CUL4B: variants seen among roughly 807,000 people sequenced by gnomAD.
CUL4B encodes cullin-4B.
In CUL4B, 1 loss-of-function variant was observed where a neutral mutation model predicts 69.2. The ratio of observed to expected loss-of-function variants is 0.01; its 90% CI spans 0.01 to 0.07. The LOEUF (loss-of-function observed/expected upper bound fraction) is 0.07, where lower values mean the gene tolerates loss of function less well. CUL4B is among the 10% of genes least tolerant of loss of function. CUL4B has a pLI of 1.00. For missense variants in CUL4B, 328 were observed against 638.8 expected (o/e 0.51, Z 5.24); for synonymous variants, 237 against 223.2 (o/e 1.06, Z -0.55).
chrX:120,538,283 G>T, intron 13 of CUL4B, 74 bp from the exon 14 acceptor site: 1 of 670,130 alleles, frequency 1.5e-6, no homozygotes, highest in Non-Finnish European at 2.3e-6. Context: ...TGGGAAACAC[G>T]AAATACAAAA....
chrX:120,572,545 C>T (rs1346513972), intron 2 of CUL4B, among the ~76,000 whole-genome samples: 1 of 109,881 alleles, frequency 9.1e-6, no homozygotes, highest in Non-Finnish European at 1.9e-5. Context: ...GTGAAATCTC[C>T]ACTCAGTCCC....
At chrX:120,567,876 A>G (rs768905107), downstream of CUL4B, among the ~76,000 whole-genome samples, 2 of 110,188 alleles carry the variant, frequency 1.8e-5, no homozygotes, top group South Asian at 3.9e-4. Context: ...TCTGAAGAAA[A>G]AAAAAAAAAA....
chrX:120,568,756 A>G (rs1415587976), downstream of CUL4B, among the ~76,000 whole-genome samples: 1 of 112,217 alleles, frequency 8.9e-6, no homozygotes, highest in Non-Finnish European at 1.9e-5. Flanking sequence ...TCCCCACTGT[A>G]CAGATAAGAA....
At chrX:120,550,703 G>A (rs1226620761) in intron 2 of CUL4B, among the ~76,000 whole-genome samples, 2 of 111,648 alleles carry the variant, frequency 1.8e-5, no homozygotes, top group Non-Finnish European at 3.8e-5. Flanking sequence ...GGTCAAGTTC[G>A]GAGGGAACAT....
chrX:120,532,309 C>G, intron 18 of CUL4B, 113 bp downstream of exon 18: 2 of 611,261 alleles, frequency 3.3e-6, no homozygotes, highest in Non-Finnish European at 5.0e-6. Flanking sequence ...GACATAGACA[C>G]AAAAAATATT....
Position 120,537,006 on chromosome X carries a change from T to C in CUL4B, c.1967A>G (p.Asn656Ser), listed in dbSNP as rs1158118996. ...CAGGATATTCACAGTTAACTCAATA[T>C]TTCCCGGAACATTCTGATTCTGCAT... ...QYMQNQNVPG[N>S]IELTVNILTM... The change falls in exon 15 of 20, where the codon AAT becomes AGT. Residue 656 changes from asparagine to serine, a missense_variant. Physicochemically the swap from Asn to Ser is conservative, Grantham distance 46. Coordinates refer to ENST00000371322, the MANE Select transcript of CUL4B (RefSeq NM_001079872.2). The C allele has an allele frequency of 1.7e-6, 2 of 1,201,902 alleles. No homozygotes were observed. Among genetic ancestry groups the C allele is most frequent in the East Asian group, 5.9e-5 (2 of 33,799 alleles).
chrX:120,553,872 C>T (rs1206396072), intron 2 of CUL4B, among the ~76,000 whole-genome samples: 1 of 111,770 alleles, frequency 8.9e-6, no homozygotes, highest in Non-Finnish European at 1.9e-5. Flanking sequence ...CACACCAAAA[C>T]CAAAATTCCA....
chrX:120,552,715 G>T (rs1406665088), intron 2 of CUL4B, among the ~76,000 whole-genome samples: 1 of 111,516 alleles, frequency 9.0e-6, no homozygotes, highest in Non-Finnish European at 1.9e-5. Context: ...TGTAGCAAAT[G>T]ACATATGCAA....
rs188531002 is a variant in CUL4B, at chrX:120,541,654, C to T, written c.1391G>A (p.Arg464Lys). 1 of 1,207,567 alleles carries T rather than the reference C, an allele frequency of 8.3e-7. No homozygotes were observed. Among genetic ancestry groups the T allele is most frequent in the East Asian group, 3.0e-5 (1 of 33,774 alleles). The change falls in exon 10 of 20, where the codon AGA becomes AAA. Residue 464 changes from arginine to lysine, a missense_variant. Transcript: ENST00000371322. ...DLSLLYQLFS[R>K]VRGGVQVLLQ... ...AAGAACCTGAACTCCACCTCGAACT[C>T]TACTGAAGAGCTGATACAGAAGAGA... is the stretch of plus-strand genomic sequence containing the variant.
chrX:120,569,595 T>C (rs1375044305), downstream of CUL4B, among the ~76,000 whole-genome samples: 19 of 111,084 alleles, frequency 1.7e-4, no homozygotes, highest in South Asian at 3.8e-4. Flanking sequence ...CTCCTGACCT[T>C]GTGATCCAAC....
chrX:120,538,433 G>A (rs1350405741), intron 13 of CUL4B: 2 of 366,311 alleles, frequency 5.5e-6, no homozygotes, highest in Non-Finnish European at 9.3e-6. Context: ...AAATAAATGG[G>A]AAATTTTTAT....
In CUL4B at chrX:120,530,299, CCTGA is replaced by C. The variant is rs757437276; in HGVS notation, c.2440-49_2440-46del. ...CCTAGGAATTATACCAGAAGCAAAA[CCTGA>C]CTATTTACATAAATTGTGCATTTTA... On this transcript the variant is annotated intron_variant, in intron 18 of 19. Transcript: ENST00000371322. 3 of 1,141,335 alleles carry C rather than the reference CCTGA, an allele frequency of 2.6e-6. No individual in the cohort carries two copies. In the African/African-American group the frequency reaches 5.4e-5, roughly 20 times the overall value. The allele number at this position is 1,141,335 out of a possible 1,213,427, so 94.1% of individuals were successfully genotyped here. A position where few individuals can be genotyped will look rare whatever the true frequency, so the allele number is the denominator to read the frequency against.
chrX:120,539,137 C>G (rs1363554466), intron 12 of CUL4B, 131 bp downstream of exon 12: 1 of 456,686 alleles, frequency 2.2e-6, no homozygotes, highest in African/African-American at 2.4e-5. Context: ...ACGTATCCCC[C>G]CAATGAATTA....
rs764912137 is a variant in CUL4B at position 120,525,373 on chromosome X, A to T, written c.*1388T>A. On this transcript the variant is annotated 3_prime_UTR_variant, in exon 20 of 20. Coordinates refer to ENST00000371322, the MANE Select transcript of CUL4B (RefSeq NM_001079872.2). ...TCTGATTTTTAACAAACATAAACAA[A>T]ATTTTCTGCTTCTCCTCCCTTCAAA... 9.0e-6 allele frequency: 1 copy of T among 111,576 alleles called. No homozygotes were observed. The highest frequency in any genetic ancestry group is 3.2e-5 in the African/African-American group (1 of 30,838). 9.2% of individuals were successfully genotyped at this position (111,576 alleles called of 1,213,427 possible). A position where few individuals can be genotyped will look rare whatever the true frequency, so the allele number is the denominator to read the frequency against.
intron 11 of CUL4B, 82 bp from the exon 12 acceptor site, chrX:120,539,454 T>C: frequency 2.0e-6 from 1 of 507,080 alleles, no homozygotes; most frequent in Middle Eastern, 3.5e-4. Context: ...AAGAGGAGTA[T>C]GATACACTGA....
rs1329661716 is a variant in CUL4B at position 120,530,007 on chromosome X, C to T, written c.2592+95G>A. 7.6e-6 allele frequency: 7 copies of T among 921,049 alleles called. No homozygotes were observed. In the African/African-American group the frequency reaches 1.2e-4, roughly 16 times the overall value. The allele number at this position is 921,049 out of a possible 1,213,427, so 75.9% of individuals were successfully genotyped here. A position where few individuals can be genotyped will look rare whatever the true frequency, so the allele number is the denominator to read the frequency against. On this transcript the variant is annotated intron_variant, in intron 19 of 19. Transcript: ENST00000371322. The stretch of plus-strand genomic sequence containing the variant: ...TAAAACTTTTCTCTCTCTAAATGGT[C>T]ATGACGCTTTATGTTTGCAAGATTT...
At chrX:120,551,977 C>T (rs1924716150) in intron 2 of CUL4B, among the ~76,000 whole-genome samples, 1 of 111,378 alleles carries the variant, frequency 9.0e-6, no homozygotes, top group South Asian at 3.7e-4. Context: ...TTGAGATAAG[C>T]TCTATTTTAC....
chrX:120,534,717 C>T (rs777750094), intron 16 of CUL4B, 131 bp from the exon 17 acceptor site: 19 of 503,778 alleles, frequency 3.8e-5, no homozygotes, highest in Non-Finnish European at 6.6e-5. Flanking sequence ...AGCAAAGCCA[C>T]TTGACGTGGT....
downstream of CUL4B, among the ~76,000 whole-genome samples, chrX:120,567,993 G>A (rs140377755): frequency 9.8e-4 from 110 of 111,949 alleles, no homozygotes; most frequent in African/African-American, 3.3e-3. Context: ...CTTGTATTCC[G>A]TTTAATGCCT....
Sources: allele counts gnomAD v4.1 joint callset (sites outside exome capture counted in the v4.1 genomes callset), GRCh38; gene constraint gnomAD v4.1.1; transcripts MANE v1.5; gene names NCBI Gene and HGNC (gene_info 2026-07-23, HGNC 2026-07-21).